The following ATP2B3 variants were observed in gnomAD, a reference collection of about 807,000 sequenced individuals.
ATP2B3 encodes plasma membrane calcium-transporting ATPase 3.
In ATP2B3, 12 loss-of-function variants were observed where a neutral mutation model predicts 70.8. The observed-to-expected ratio is 0.17, with a 90% CI of 0.11 to 0.27. The LOEUF (loss-of-function observed/expected upper bound fraction) is 0.27, where lower values mean the gene tolerates loss of function less well. Among genes scored for constraint, ATP2B3 ranks in the 10% least tolerant of loss-of-function variants. ATP2B3 has a pLI of 1.00. For synonymous variants in ATP2B3, 460 were observed against 497.8 expected, an observed-to-expected ratio of 0.92 and a Z score of 1.01; for missense variants, 858 against 1,118.5, an observed-to-expected ratio of 0.77 and a Z score of 3.32.
chrX:153,541,901 G>A lies in ATP2B3; in HGVS notation c.639G>A (p.Val213=), dbSNP rs1557006722. Residue 213 remains valine (V), a synonymous_variant, in exon 5 of 22, where the codon GTG becomes GTA. Coordinates refer to ENST00000263519, the MANE Select transcript of ATP2B3 (RefSeq NM_001001344.3). The part of the protein sequence containing the change: ...LLQVPVAALV[V]GDIAQVKYGD... The stretch of plus-strand genomic sequence containing the variant: ...AGGTCCCCGTGGCTGCGCTGGTGGT[G>A]GGGGACATTGCCCAGGTCAAGTACG... The A allele has an allele frequency of 1.7e-6, 2 of 1,211,323 alleles. No homozygotes were observed. The highest frequency in any genetic ancestry group is 2.2e-5 in the Admixed American group (1 of 46,034).
chrX:153,533,663 G>A (rs2090149322), intron 2 of ATP2B3, among the ~76,000 whole-genome samples: 2 of 111,599 alleles, frequency 1.8e-5, no homozygotes, highest in Admixed American at 1.9e-4. Flanking sequence ...GCAGTGGGGA[G>A]GGCCAGCAGG....
At chrX:153,574,148 G>A (rs1039977612) in intron 21 of ATP2B3, among the ~76,000 whole-genome samples, 3 of 112,872 alleles carry the variant, frequency 2.7e-5, no homozygotes, top group Admixed American at 9.3e-5. Flanking sequence ...TCTGAGCTTG[G>A]CTTCTCATTG....
At chrX:153,555,979 A>G in intron 13 of ATP2B3, 70 bp from the exon 14 acceptor site, 1 of 1,153,685 alleles carries the variant, frequency 8.7e-7, no homozygotes, top group Non-Finnish European at 1.2e-6. Context: ...CTGATGGAGG[A>G]AGGGGTACTG....
At chrX:153,546,690 C>T (rs950444571) in intron 8 of ATP2B3, among the ~76,000 whole-genome samples, 3 of 113,086 alleles carry the variant, frequency 2.7e-5, no homozygotes, top group African/African-American at 9.6e-5. Context: ...GGAGGCCAGC[C>T]GTGGCCCACG....
At chrX:153,577,172 A>G (rs1050372680) in intron 21 of ATP2B3, among the ~76,000 whole-genome samples, 5 of 113,013 alleles carry the variant, frequency 4.4e-5, no homozygotes, top group Admixed American at 9.3e-5. Context: ...TTAAGCCACA[A>G]ACAAGGCAGA....
rs1557009323 is a variant in ATP2B3, at chrX:153,547,823, C to T, written c.959-12C>T. 4 of 1,177,126 alleles carry T rather than the reference C, an allele frequency of 3.4e-6. No homozygotes were observed. The highest frequency in any genetic ancestry group is 4.6e-6 in the Non-Finnish European group (4 of 875,664). On this transcript the variant is annotated splice_polypyrimidine_tract_variant and intron_variant, in intron 8 of 21. Coordinates refer to ENST00000263519, the MANE Select transcript of ATP2B3 (RefSeq NM_001001344.3). ...GGCACTGACCTTGGCCATGGGGTTC[C>T]TCTGTGTGCAGCTAAGAAGCAGGAT...
chrX:153,566,970 A>G (rs1603115664), intron 21 of ATP2B3, among the ~76,000 whole-genome samples: 2 of 112,488 alleles, frequency 1.8e-5, no homozygotes. Context: ...AGAGCCCCCC[A>G]GGGGTCCAAG....
intron 2 of ATP2B3, among the ~76,000 whole-genome samples, chrX:153,523,859 C>T (rs782442839): frequency 1.8e-5 from 2 of 109,749 alleles, no homozygotes; most frequent in Non-Finnish European, 3.8e-5. Flanking sequence ...CCACACCCGG[C>T]TAATTTTTGT....
rs1038039928 is a variant in ATP2B3, at chrX:153,582,909, T to A, written c.*2611T>A. Reference sequence around the variant, plus strand: ...CAAAATTTCTGTGTATAAAAAAAAATGAAAGGCTCCTTACATCCTGGTCTG... The same window carrying A: ...CAAAATTTCTGTGTATAAAAAAAAAAGAAAGGCTCCTTACATCCTGGTCTG... On this transcript the variant is annotated 3_prime_UTR_variant, in exon 22 of 22. Transcript: ENST00000263519. The A allele has an allele frequency of 2.7e-5, 3 of 112,170 alleles. No individual in the cohort carries two copies. The highest frequency in any genetic ancestry group is 5.6e-5 in the Non-Finnish European group (3 of 53,171). The allele number at this position is 112,170 out of a possible 1,213,427, so 9.2% of individuals were successfully genotyped here.
At chrX:153,526,756 T>G (rs1231582788) in intron 2 of ATP2B3, among the ~76,000 whole-genome samples, 2 of 111,642 alleles carry the variant, frequency 1.8e-5, no homozygotes, top group Non-Finnish European at 3.8e-5. Flanking sequence ...GCTCGTTCCT[T>G]GGGTCTAGAT....
intron 12 of ATP2B3, among the ~76,000 whole-genome samples, chrX:153,551,163 C>T (rs1186488726): frequency 8.9e-6 from 1 of 112,365 alleles, no homozygotes; most frequent in Non-Finnish European, 1.9e-5. Flanking sequence ...GGGGCAGCAC[C>T]GTTTCACATT....
chrX:153,557,318 C>T (rs115301415), intron 16 of ATP2B3, among the ~76,000 whole-genome samples: 3,303 of 111,926 alleles, frequency 0.03, 58 homozygotes, highest in Non-Finnish European at 0.049. Context: ...TGCCCACCCC[C>T]GTCCTCTCTA....
chrX:153,555,646 A>G (rs1245981120), intron 13 of ATP2B3, among the ~76,000 whole-genome samples: 3 of 112,166 alleles, frequency 2.7e-5, no homozygotes, highest in Non-Finnish European at 5.6e-5. Context: ...AACCCCTTGC[A>G]GGCTGTTCGC....
chrX:153,563,484 G>A (rs1189206554), intron 20 of ATP2B3, among the ~76,000 whole-genome samples: 8 of 112,201 alleles, frequency 7.1e-5, no homozygotes, highest in African/African-American at 2.3e-4. Flanking sequence ...AGGGGCTGCT[G>A]CAGCTGCTGC....
chrX:153,541,025 G>A (rs909927473), intron 3 of ATP2B3, among the ~76,000 whole-genome samples: 1 of 112,568 alleles, frequency 8.9e-6, no homozygotes, highest in African/African-American at 3.2e-5. Flanking sequence ...CTCAGCGGTA[G>A]TGTGGAGGTG....
chrX:153,538,503 T>A (rs2090228394), intron 3 of ATP2B3, among the ~76,000 whole-genome samples: 1 of 113,213 alleles, frequency 8.8e-6, no homozygotes, highest in Non-Finnish European at 1.9e-5. Context: ...GGTCTCAGGC[T>A]GAACTCAGAG....
intron 3 of ATP2B3, among the ~76,000 whole-genome samples, chrX:153,537,099 G>A (rs782385965): frequency 1.8e-5 from 2 of 113,056 alleles, no homozygotes; most frequent in African/African-American, 3.2e-5. Context: ...TAGAAAGCCC[G>A]GTGAGCACTG....
intron 21 of ATP2B3, chrX:153,569,489 C>A: frequency 1.1e-6 from 1 of 894,736 alleles, no homozygotes. Flanking sequence ...CCCGATGAGG[C>A]TTTGCTGTCA....
chrX:153,559,571 T>C, intron 17 of ATP2B3, 158 bp from the exon 18 acceptor site: 1 of 468,245 alleles, frequency 2.1e-6, no homozygotes, highest in Admixed American at 3.8e-5. Flanking sequence ...AACGCCCCAC[T>C]AGCGTAAAGG....
Sources: allele counts gnomAD v4.1 joint callset (sites outside exome capture counted in the v4.1 genomes callset), GRCh38; gene constraint gnomAD v4.1.1; transcripts MANE v1.5; gene names NCBI Gene and HGNC (gene_info 2026-07-23, HGNC 2026-07-21).